Variants in PODNL1 observed in about 807,000 individuals in gnomAD.
PODNL1 encodes podocan like 1, also known as podocan-like protein 1.
PODNL1 carries 50 observed loss-of-function variants against 45.1 expected under a neutral mutation model. The ratio of observed to expected loss-of-function variants is 1.11; its 90% confidence interval spans 0.88 to 1.40. The LOEUF (loss-of-function observed/expected upper bound fraction) is 1.40. Ranked by LOEUF, PODNL1 falls within the 40% of genes most tolerant of loss-of-function variation. PODNL1 has a pLI of 0.00. For missense variants in PODNL1, 788 were observed against 793.3 expected (o/e 0.99, Z 0.08); for synonymous variants, 406 against 372.5 (o/e 1.09, Z -1.04).
intron 1 of PODNL1, among the ~76,000 whole-genome samples, chr19:13,951,606 C>A (rs1195453409): frequency 6.6e-6 from 1 of 152,198 alleles, no homozygotes; most frequent in African/African-American, 2.4e-5. Context: ...AACCTCGTCT[C>A]TACTAAAAAT....
chr19:13,938,523 C>G, upstream of PODNL1: 1 of 1,118,676 alleles, frequency 8.9e-7, no homozygotes, highest in Non-Finnish European at 1.1e-6. Flanking sequence ...AGCTGAGATT[C>G]GTCCTGTCTG....
chr19:13,934,361 CG>C lies in PODNL1; in HGVS notation c.543del (p.Asp182ThrfsTer48), dbSNP rs767533223. 2.1e-5 allele frequency: 32 copies of C among 1,553,272 alleles called. No individual in the cohort carries two copies. The highest frequency in any genetic ancestry group is 2.3e-5 in the Non-Finnish European group (27 of 1,152,022). ...ATGGCCTCGGAGCCGCGGAAGGCGT[CG>C]GGGGGCAGGCCAGCGTTGCTCAGCT... ...NNQLSNAGLP[P>X]DAFRGSEAIA... is the part of the protein sequence containing the mutation. On this transcript the variant is annotated frameshift_variant, in exon 6 of 10. Transcript: ENST00000588872. LOFTEE classifies it high-confidence loss of function.
chr19:13,934,866 TG>T (rs537146589), intron 5 of PODNL1, among the ~76,000 whole-genome samples: 73 of 151,914 alleles, frequency 4.8e-4, no homozygotes, highest in Non-Finnish European at 9.7e-4. Context: ...ATTGTGTGTG[TG>T]CAGCCGAGTG....
At chr19:13,941,363 C>CAAAAA (rs775513538), upstream of PODNL1, among the ~76,000 whole-genome samples, 1 of 53,290 alleles carries the variant, frequency 1.9e-5, no homozygotes, top group African/African-American at 6.6e-5. Context: ...GACTCCGTCT[C>CAAAAA]AAAAAAAAAA....
chr19:13,949,451 C>T (rs568195189), intron 1 of PODNL1: 44 of 151,956 alleles, frequency 2.9e-4, no homozygotes, highest in African/African-American at 1.0e-3. Flanking sequence ...GGACTACAGA[C>T]GTGCTACCAC....
intron 1 of PODNL1, among the ~76,000 whole-genome samples, chr19:13,949,071 T>G (rs1001097555): frequency 1.3e-5 from 2 of 151,542 alleles, no homozygotes; most frequent in Admixed American, 6.6e-5. Flanking sequence ...GCGATTCTCA[T>G]GCCTCAGCCT....
intron 1 of PODNL1, among the ~76,000 whole-genome samples, chr19:13,943,648 G>A (rs1455510841): frequency 6.6e-6 from 1 of 152,014 alleles, no homozygotes; most frequent in Non-Finnish European, 1.5e-5. Flanking sequence ...GTTTTTAGTA[G>A]AGACGGTGTT....
At chr19:13,948,818 C>T (rs1332761074) in intron 1 of PODNL1, among the ~76,000 whole-genome samples, 1 of 149,368 alleles carries the variant, frequency 6.7e-6, no homozygotes, top group African/African-American at 2.5e-5. Context: ...GTGGCAGGCG[C>T]CTGTAGTCCC....
At chr19:13,935,893 G>A in intron 4 of PODNL1, 63 bp from the exon 5 acceptor site, 1 of 1,544,770 alleles carries the variant, frequency 6.5e-7, no homozygotes, top group East Asian at 2.4e-5. Flanking sequence ...CACTTCCCCA[G>A]CAGAGCTGTC....
chr19:13,938,764 C>A (rs1423167523), upstream of PODNL1, among the ~76,000 whole-genome samples: 1 of 152,110 alleles, frequency 6.6e-6, no homozygotes. Flanking sequence ...CCTCCTCCCC[C>A]CGCAAATGGC....
chr19:13,933,406 T>G lies in PODNL1; in HGVS notation c.817A>C (p.Thr273Pro). 1 of 1,599,048 alleles carries G rather than the reference T, an allele frequency of 6.3e-7. No homozygotes were observed. The highest frequency in any genetic ancestry group is 8.5e-7 in the Non-Finnish European group (1 of 1,174,664). Residue 273 changes from threonine to proline, a missense_variant, in exon 8 of 10, where the codon ACA becomes CCA. By Grantham distance (38) the Thr-to-Pro change is conservative (BLOSUM62 -1). This residue lies in a region of PODNL1 where 762 missense variants were observed against 750.9 expected (regional missense o/e 1.01). Coordinates refer to ENST00000588872, the MANE Select transcript of PODNL1 (RefSeq NM_001370095.3). The surrounding 1 kb of genome is among the most constrained non-coding windows in gnomAD (Gnocchi z 5.2). The part of the protein sequence containing the change: ...YLDLSHNQLT[T>P]VPAGLPRTLA... Reference sequence around the variant, plus strand: ...GTCCGGGGCAGGCCGGCGGGCACTGTGGTCAGCTGGTTGTGGGAGAGATCC... The same window carrying G: ...GTCCGGGGCAGGCCGGCGGGCACTGGGGTCAGCTGGTTGTGGGAGAGATCC...
intron 2 of PODNL1, among the ~76,000 whole-genome samples, chr19:13,936,671 C>A (rs1329961245): frequency 7.3e-6 from 1 of 137,436 alleles, no homozygotes; most frequent in African/African-American, 2.8e-5. Flanking sequence ...TGTGCCATCA[C>A]CCCCACAATC....
At position 13,952,945 on chromosome 19, in the gene PODNL1, A is replaced by G; in HGVS notation, c.18+174T>C. ...GGCGACCCCAGAGGCCGCAGGGAGA[A>G]TCAGGAGGAAGGGGGCGATCCAGGC... On this transcript the variant is annotated intron_variant, in intron 1 of 7. Transcript: ENST00000538371. 3 of 903,082 alleles carry G rather than the reference A, an allele frequency of 3.3e-6. No individual in the cohort carries two copies. The South Asian group carries it at 5.1e-5, about 15-fold the overall frequency. 55.9% of individuals were successfully genotyped at this position (903,082 alleles called of 1,614,324 possible). A position where few individuals can be genotyped will look rare whatever the true frequency, so the allele number is the denominator to read the frequency against.
rs189605426 is a variant in PODNL1 at position 13,950,869 on chromosome 19, A to G, written c.18+2250T>C. Among the ~76,000 whole-genome samples, 538 of 151,978 alleles carry G rather than the reference A, an allele frequency of 3.5e-3. 3 individuals are homozygous for G. Among genetic ancestry groups the G allele is most frequent in the African/African-American group, 0.012 (517 of 41,462 alleles). On this transcript the variant is annotated intron_variant, in intron 1 of 7. Transcript: ENST00000538371. ...AGACCAGCCTAGCCAACATAGTGAA[A>G]CCCTGTCTCTACTAAAAATACAAAG... is the stretch of plus-strand genomic sequence containing the variant.
In PODNL1 at chr19:13,933,693, C is replaced by T. The variant is rs374254344; in HGVS notation, c.767+185G>A. ...AGCCGAGATGGAAAGGCATGTGAGA[C>T]TTACGATGTCAGTGCAGGGCTGTGG... On this transcript the variant is annotated intron_variant, in intron 7 of 9. Coordinates refer to ENST00000588872, the MANE Select transcript of PODNL1 (RefSeq NM_001370095.3). This position sits in a 1 kb window ranked among gnomAD's most constrained non-coding sequence, Gnocchi z 5.2. Among the ~76,000 whole-genome samples the T allele has an allele frequency of 6.6e-5, 10 of 152,084 alleles. No individual in the cohort carries two copies. Among genetic ancestry groups the T allele is most frequent in the African/African-American group, 2.2e-4 (9 of 41,400 alleles).
At chr19:13,952,666 G>C in intron 1 of PODNL1, 1 of 1,295,320 alleles carries the variant, frequency 7.7e-7, no homozygotes. Flanking sequence ...AGCCGGAGTG[G>C]GGAGCGCGCC....
chr19:13,941,621 G>C (rs1568441099), upstream of PODNL1, among the ~76,000 whole-genome samples: 1 of 152,114 alleles, frequency 6.6e-6, no homozygotes, highest in African/African-American at 2.4e-5. Flanking sequence ...GACCATCCTG[G>C]CCAACAAGGT....
chr19:13,934,497 CAG>C (rs1972188971), intron 5 of PODNL1, 87 bp from the exon 6 acceptor site: 1 of 1,211,008 alleles, frequency 8.3e-7, no homozygotes, highest in African/African-American at 1.6e-5. Context: ...GGGTCGCCTT[CAG>C]TGTGTGTGTG....
chr19:13,933,271 T>C lies in PODNL1; in HGVS notation c.952A>G (p.Ser318Gly). 6.4e-7 allele frequency: 1 copy of C among 1,564,462 alleles called. No individual in the cohort carries two copies. Among genetic ancestry groups the C allele is most frequent in the Non-Finnish European group, 8.6e-7 (1 of 1,160,264 alleles). Residue 318 changes from serine to glycine, a missense_variant, in exon 8 of 10, where the codon AGC (serine) becomes GGC (glycine). Ser to Gly is a moderately conservative substitution (Grantham distance 56). Coordinates refer to ENST00000588872, the MANE Select transcript of PODNL1 (RefSeq NM_001370095.3). This position sits in a 1 kb window ranked among gnomAD's most constrained non-coding sequence, Gnocchi z 5.2. The stretch of plus-strand genomic sequence containing the variant: ...AGAGCCCCGGCGGGCAGCCCTGAGC[T>C]CCCCAGCTGGTTGTGCTGCAGCAAC... ...YLLLQHNQLGSSGLPAGALRP... is the reference protein window; with the variant it reads ...YLLLQHNQLGGSGLPAGALRP...
Sources: allele counts gnomAD v4.1 joint callset (sites outside exome capture counted in the v4.1 genomes callset), GRCh38; gene constraint gnomAD v4.1.1; regional missense constraint gnomAD v4.1.1; non-coding constraint Gnocchi (gnomAD v3.1); transcripts MANE v1.5; gene names NCBI Gene and HGNC (gene_info 2026-07-23, HGNC 2026-07-21).